AGK: variants seen among roughly 807,000 people sequenced by gnomAD.
The protein encoded by AGK is acylglycerol kinase, mitochondrial.
Under a neutral mutation model 66.4 loss-of-function variants are expected in AGK, and 52 were observed. The ratio of observed to expected loss-of-function variants is 0.78; its 90% CI spans 0.63 to 0.99. The LOEUF (loss-of-function observed/expected upper bound fraction) is 0.99. Ranked by LOEUF, AGK falls within the 50% of genes least tolerant of loss-of-function variation. AGK has a pLI of 0.00. For missense variants in AGK, 451 were observed against 506.6 expected (o/e 0.89, Z 1.05); for synonymous variants, 182 against 181.1 (o/e 1.00, Z -0.04).
At chr7:141,602,650 T>C (rs751340622) in intron 5 of AGK, among the ~76,000 whole-genome samples, 32 of 152,090 alleles carry the variant, frequency 2.1e-4, no homozygotes, top group Non-Finnish European at 4.3e-4. Context: ...TTATTGATCC[T>C]CTCATTTATA....
At chr7:141,617,721 G>GA (rs1330879771) in intron 8 of AGK, among the ~76,000 whole-genome samples, 1 of 152,052 alleles carries the variant, frequency 6.6e-6, no homozygotes, top group Non-Finnish European at 1.5e-5. Flanking sequence ...AGCAATTTAG[G>GA]AAAAAAATTT....
At chr7:141,619,143 A>G (rs1195944739) in intron 8 of AGK, among the ~76,000 whole-genome samples, 1 of 152,182 alleles carries the variant, frequency 6.6e-6, no homozygotes, top group East Asian at 1.9e-4. Flanking sequence ...TATAAATTCA[A>G]TACAATCCCA....
chr7:141,553,298 G>C (rs1439577416), intron 1 of AGK, among the ~76,000 whole-genome samples: 1 of 152,152 alleles, frequency 6.6e-6, no homozygotes, highest in Non-Finnish European at 1.5e-5. Flanking sequence ...TGGGGATAGG[G>C]CTTCCACATC....
At chr7:141,620,659 G>A (rs1197006513) in intron 8 of AGK, among the ~76,000 whole-genome samples, 1 of 152,192 alleles carries the variant, frequency 6.6e-6, no homozygotes, top group Non-Finnish European at 1.5e-5. Flanking sequence ...AGTGTGATTA[G>A]CTCTGAGAGG....
intron 8 of AGK, 99 bp from the exon 9 acceptor site, chr7:141,621,631 AAT>A: frequency 1.3e-6 from 1 of 781,828 alleles, no homozygotes; most frequent in Non-Finnish European, 2.2e-6. Context: ...AATGAGAGAG[AAT>A]ATGTGTGTGT....
intron 14 of AGK, among the ~76,000 whole-genome samples, chr7:141,649,762 A>G (rs1251786650): frequency 6.6e-6 from 1 of 152,264 alleles, no homozygotes; most frequent in African/African-American, 2.4e-5. Context: ...GCCTTGAGTA[A>G]GAGAATGTGT....
chr7:141,621,579 A>G (rs1192887099), intron 8 of AGK, among the ~76,000 whole-genome samples, 153 bp from the exon 9 acceptor site: 1 of 151,626 alleles, frequency 6.6e-6, no homozygotes, highest in Non-Finnish European at 1.5e-5. Context: ...GGAGGGAGGG[A>G]GAGAGGGAAG....
intron 9 of AGK, among the ~76,000 whole-genome samples, chr7:141,627,042 T>C (rs1401228458): frequency 6.6e-6 from 1 of 152,160 alleles, no homozygotes; most frequent in Non-Finnish European, 1.5e-5. Flanking sequence ...TAGATAAAGC[T>C]AATGTGGAGG....
intron 3 of AGK, chr7:141,593,671 A>G (rs1796169654): frequency 6.3e-6 from 2 of 319,930 alleles, no homozygotes; most frequent in Non-Finnish European, 1.1e-5. Flanking sequence ...TTTTACTTAA[A>G]TATTCATTTA....
At chr7:141,574,120 G>C (rs2116883188) in intron 2 of AGK, among the ~76,000 whole-genome samples, 1 of 152,238 alleles carries the variant, frequency 6.6e-6, no homozygotes, top group South Asian at 2.1e-4. Flanking sequence ...ACAGTATATG[G>C]CATAAAGTAT....
chr7:141,632,289 T>C (rs561905882), intron 9 of AGK, among the ~76,000 whole-genome samples: 1 of 151,892 alleles, frequency 6.6e-6, no homozygotes, highest in African/African-American at 2.4e-5. Flanking sequence ...ACCCTCAATG[T>C]CTTTGGGCTG....
intron 13 of AGK, 123 bp from the exon 14 acceptor site, chr7:141,649,140 C>T (rs1330264387): frequency 2.4e-6 from 1 of 414,188 alleles, no homozygotes; most frequent in Non-Finnish European, 4.4e-6. Context: ...AATTAAATCA[C>T]TACAAGTAGA....
intron 10 of AGK, among the ~76,000 whole-genome samples, chr7:141,636,010 T>G (rs967867338): frequency 6.6e-6 from 1 of 152,228 alleles, no homozygotes; most frequent in African/African-American, 2.4e-5. Flanking sequence ...AGTGATTTGT[T>G]AACAGAGATA....
At chr7:141,606,502 A>G (rs3924731) in intron 5 of AGK, among the ~76,000 whole-genome samples, 55,971 of 152,018 alleles carry the variant, frequency 0.37, 11,450 homozygotes, top group East Asian at 0.54. Context: ...TATTTTTTAG[A>G]GCAGTTTTAG....
chr7:141,588,121 A>G, intron 2 of AGK, among the ~76,000 whole-genome samples: 1 of 152,218 alleles, frequency 6.6e-6, no homozygotes, highest in Non-Finnish European at 1.5e-5. Context: ...AAATTAGATG[A>G]GACTATGCAA....
At chr7:141,627,181 A>G (rs537638827) in intron 9 of AGK, among the ~76,000 whole-genome samples, 1 of 152,330 alleles carries the variant, frequency 6.6e-6, no homozygotes, top group East Asian at 1.9e-4. Flanking sequence ...GCTGTTGTCA[A>G]TTCTTGATCA....
intron 5 of AGK, among the ~76,000 whole-genome samples, chr7:141,609,059 A>G (rs1796521696): frequency 6.6e-6 from 1 of 152,208 alleles, no homozygotes; most frequent in African/African-American, 2.4e-5. Context: ...TATTTTTAGA[A>G]TAAAAGTGGA....
intron 2 of AGK, among the ~76,000 whole-genome samples, chr7:141,583,411 G>A (rs564226636): frequency 5.8e-4 from 86 of 147,762 alleles, no homozygotes; most frequent in Admixed American, 3.7e-3. Context: ...GTAGAGACAC[G>A]GAGAGAAGGG....
chr7:141,604,374 G>GTATATATATATATATATA (rs368893843), intron 5 of AGK, among the ~76,000 whole-genome samples: 44 of 113,778 alleles, frequency 3.9e-4, no homozygotes, highest in Admixed American at 6.4e-4. Flanking sequence ...GTGTGTGTGT[G>GTATATATATATATATATA]TATATATATA....
Sources: allele counts gnomAD v4.1 joint callset (sites outside exome capture counted in the v4.1 genomes callset), GRCh38; gene constraint gnomAD v4.1.1; transcripts MANE v1.5; gene names NCBI Gene and HGNC (gene_info 2026-07-23, HGNC 2026-07-21).